The following BAZ2B variants were observed in gnomAD, a reference collection of about 807,000 sequenced individuals.
BAZ2B encodes the protein bromodomain adjacent to zinc finger domain 2B, also known as bromodomain adjacent to zinc finger domain protein 2B.
Under a neutral mutation model 246.0 loss-of-function variants are expected in BAZ2B, and 91 were observed. That is an observed-to-expected ratio of 0.37 (90% CI 0.31 to 0.44). BAZ2B has a LOEUF of 0.44. Ranked by LOEUF, BAZ2B falls within the 20% of genes least tolerant of loss-of-function variation. BAZ2B has a pLI of 1.00. For missense variants in BAZ2B, 2,332 were observed against 2,533.7 expected, an observed-to-expected ratio of 0.92 and a Z score of 1.71; for synonymous variants, 855 against 860.0, an observed-to-expected ratio of 0.99 and a Z score of 0.10.
At chr2:159,320,539 G>C (rs1230578423) in intron 36 of BAZ2B, 121 bp from the exon 37 acceptor site, 1 of 757,998 alleles carries the variant, frequency 1.3e-6, no homozygotes, top group Non-Finnish European at 2.0e-6. Context: ...CATTTAAATT[G>C]ATATAAAATA....
chr2:159,623,598 T>C, the BAZ2B span, among the ~76,000 whole-genome samples: 1 of 152,130 alleles, frequency 6.6e-6, no homozygotes, highest in African/African-American at 2.4e-5. Flanking sequence ...AAAGGGGCAG[T>C]TTTTGTTTCT....
chr2:159,451,719 A>G (rs1351023692), intron 4 of BAZ2B, among the ~76,000 whole-genome samples: 1 of 152,174 alleles, frequency 6.6e-6, no homozygotes, highest in Non-Finnish European at 1.5e-5. Context: ...CCTTAAATGA[A>G]TAAGTGAATA....
Position 159,330,841 on chromosome 2 carries a change from A to G in BAZ2B, c.5943+1699T>C, listed in dbSNP as rs961937537. Among the ~76,000 whole-genome samples, 3 of 152,168 alleles carry G rather than the reference A, an allele frequency of 2.0e-5. No homozygotes were observed. The South Asian group carries it at 6.2e-4, about 31-fold the overall frequency. On this transcript the variant is annotated intron_variant, in intron 34 of 36. Coordinates refer to ENST00000392783, the MANE Select transcript of BAZ2B (RefSeq NM_013450.4). ...GTCACTGCATTCCAGCCAAGGCAAC[A>G]GATCAAGATTCTGTCTTAAAAAACA...
At chr2:159,585,830 T>C (rs1255325716) in intron 1 of BAZ2B, among the ~76,000 whole-genome samples, 1 of 152,268 alleles carries the variant, frequency 6.6e-6, no homozygotes, top group Non-Finnish European at 1.5e-5. Flanking sequence ...TTCAAGTTTT[T>C]CAGTTTCCTC....
In BAZ2B at chr2:159,603,821, T is replaced by C. The variant is rs559029347; in HGVS notation, c.-46+12421A>G. ...ATTATTTTAGTTCTTTCTTAGGTAATACCACAGACACATTTCACTCTATGG... is the reference window on the plus strand; with the variant it reads ...ATTATTTTAGTTCTTTCTTAGGTAACACCACAGACACATTTCACTCTATGG... On this transcript the variant is annotated intron_variant, in intron 1 of 36. Coordinates refer to ENST00000392783, the MANE Select transcript of BAZ2B (RefSeq NM_013450.4). 2.3e-4 allele frequency among the ~76,000 whole-genome samples: 35 copies of C among 152,320 alleles called. No individual in the cohort carries two copies. In the East Asian group the frequency reaches 5.6e-3, roughly 24 times the overall value.
chr2:159,556,855 A>T (rs1231656470), intron 1 of BAZ2B, among the ~76,000 whole-genome samples: 1 of 152,212 alleles, frequency 6.6e-6, no homozygotes, highest in Non-Finnish European at 1.5e-5. Flanking sequence ...TTTAAGGTTC[A>T]TAATGGACTT....
intron 2 of BAZ2B, among the ~76,000 whole-genome samples, chr2:159,538,360 G>A (rs992606734): frequency 6.6e-6 from 1 of 152,120 alleles, no homozygotes; most frequent in African/African-American, 2.4e-5. Flanking sequence ...CAACACCACA[G>A]TCTTTTTTGA....
chr2:159,448,500 T>C, intron 4 of BAZ2B, 91 bp from the exon 5 acceptor site: 8 of 1,422,192 alleles, frequency 5.6e-6, no homozygotes, highest in Non-Finnish European at 7.4e-6. Flanking sequence ...TTTAAAAAAA[T>C]TTCAAGTTTC....
intron 2 of BAZ2B, among the ~76,000 whole-genome samples, chr2:159,526,999 C>T (rs530104290): frequency 9.3e-5 from 14 of 151,230 alleles, no homozygotes; most frequent in South Asian, 4.2e-4. Context: ...GTGGTTGTAC[C>T]ATTTTACATT....
chr2:159,343,486 GC>G (rs2067125580), intron 31 of BAZ2B, among the ~76,000 whole-genome samples: 1 of 152,074 alleles, frequency 6.6e-6, no homozygotes. Context: ...TAAAATATTT[GC>G]AAATAATACA....
intron 1 of BAZ2B, among the ~76,000 whole-genome samples, chr2:159,602,273 G>GT: frequency 6.6e-6 from 1 of 152,298 alleles, no homozygotes; most frequent in Non-Finnish European, 1.5e-5. Flanking sequence ...AGAAATGGGA[G>GT]TAAGAAACAG....
chr2:159,579,651 T>C (rs546203602), intron 1 of BAZ2B, among the ~76,000 whole-genome samples: 1 of 152,192 alleles, frequency 6.6e-6, no homozygotes, highest in African/African-American at 2.4e-5. Context: ...ATATCCCTGA[T>C]GAACATCGAT....
the BAZ2B span, among the ~76,000 whole-genome samples, chr2:159,657,428 C>T: frequency 5.9e-5 from 9 of 152,088 alleles, no homozygotes; most frequent in South Asian, 1.2e-3. Context: ...TCTTCAATAT[C>T]GTCTTGGCTT....
chr2:159,376,313 T>A (rs992520740), intron 25 of BAZ2B, among the ~76,000 whole-genome samples: 6 of 152,148 alleles, frequency 3.9e-5, no homozygotes, highest in Admixed American at 1.3e-4. Context: ...TTTTTGATGT[T>A]TACTTCCTAT....
chr2:159,389,328 C>A lies in BAZ2B; in HGVS notation c.3216+17G>T. On this transcript the variant is annotated intron_variant, in intron 21 of 36. Transcript: ENST00000392783. The stretch of plus-strand genomic sequence containing the variant: ...TTAAACTTATGAATGAAATGGTGTA[C>A]ATGACGTATAAATTACCTTTTGGTC... 1.9e-6 allele frequency: 3 copies of A among 1,571,262 alleles called. No individual in the cohort carries two copies. The highest frequency in any genetic ancestry group is 2.6e-6 in the Non-Finnish European group (3 of 1,162,582).
intron 1 of BAZ2B, among the ~76,000 whole-genome samples, chr2:159,561,050 G>A (rs6755927): frequency 0.12 from 18,394 of 152,160 alleles, 1,281 homozygotes; most frequent in Middle Eastern, 0.26. Context: ...AATGTTCAGT[G>A]TCTATGCTGT....
Position 159,430,998 on chromosome 2 carries a change from T to C in BAZ2B, c.2059A>G (p.Thr687Ala). The stretch of plus-strand genomic sequence containing the variant: ...AGGTTACGAGGTGTTGAGTGACCTG[T>C]GAGACTCATGGAAGGGCTTTTGACA... The part of the protein sequence containing the change: ...SSVKSPSMSL[T>A]GHSTPRNLHI... Residue 687 changes from threonine (T) to alanine (A), a missense_variant, in exon 10 of 37, where the codon ACA (threonine) becomes GCA (alanine). Thr to Ala is a moderately conservative substitution (Grantham distance 58, BLOSUM62 0). Coordinates refer to ENST00000392783, the MANE Select transcript of BAZ2B (RefSeq NM_013450.4). The C allele has an allele frequency of 6.2e-7, 1 of 1,612,618 alleles. No individual in the cohort carries two copies. The highest frequency in any genetic ancestry group is 8.5e-7 in the Non-Finnish European group (1 of 1,178,624).
intron 34 of BAZ2B, among the ~76,000 whole-genome samples, chr2:159,326,155 T>C (rs2148824875): frequency 6.6e-6 from 1 of 152,310 alleles, no homozygotes; most frequent in South Asian, 2.1e-4. Context: ...AACTTGAAGA[T>C]GCTAATCTCA....
At chr2:159,480,269 G>T (rs1461223467) in intron 2 of BAZ2B, among the ~76,000 whole-genome samples, 1 of 152,024 alleles carries the variant, frequency 6.6e-6, no homozygotes, top group Non-Finnish European at 1.5e-5. Flanking sequence ...AATGGAAGGG[G>T]TTTAAAAAAA....
Sources: gnomAD v4.1 joint callset for allele counts (sites outside exome capture counted in the v4.1 genomes callset) on GRCh38, gnomAD v4.1.1 for gene constraint, MANE v1.5 for transcripts, NCBI Gene and HGNC (gene_info 2026-07-23, HGNC 2026-07-21) for gene names.